The following DZIP3 variants were observed in gnomAD, a reference collection of about 807,000 sequenced individuals.
The protein encoded by DZIP3 is DAZ interacting zinc finger protein 3, also known as E3 ubiquitin-protein ligase DZIP3.
A neutral mutation model predicts 162.0 loss-of-function variants in DZIP3; 118 were observed. That is an observed-to-expected ratio of 0.73 (90% confidence interval 0.63 to 0.85). DZIP3 has a LOEUF of 0.85. Among genes scored for constraint, DZIP3 ranks in the 40% least tolerant of loss-of-function variants. DZIP3 has a pLI of 0.00. For missense variants in DZIP3, 1,331 were observed against 1,407.0 expected (o/e 0.95, Z 0.86); for synonymous variants, 438 against 458.6 (o/e 0.96, Z 0.57).
intron 19 of DZIP3, among the ~76,000 whole-genome samples, chr3:108,660,428 T>C (rs1559766284): frequency 6.6e-6 from 1 of 152,184 alleles, no homozygotes. Context: ...GAAAACTGGC[T>C]AGCCATATGT....
Position 108,630,732 on chromosome 3 carries a change from A to G in DZIP3, c.696+1556A>G, listed in dbSNP as rs1000048790. Reference sequence around the variant, plus strand: ...TTTAAAATATTTTGCTTTCTTTATTATCTAACTTTTTTAGTGAATTTTTAT... The same window carrying G: ...TTTAAAATATTTTGCTTTCTTTATTGTCTAACTTTTTTAGTGAATTTTTAT... On this transcript the variant is annotated intron_variant, in intron 8 of 32. Coordinates refer to ENST00000361582, the MANE Select transcript of DZIP3 (RefSeq NM_014648.4). 2.4e-4 allele frequency among the ~76,000 whole-genome samples: 37 copies of G among 151,778 alleles called. 1 individual carries two copies. Among genetic ancestry groups the G allele is most frequent in the Admixed American group, 2.4e-3 (37 of 15,226 alleles).
intron 26 of DZIP3, 141 bp downstream of exon 26, chr3:108,677,739 AC>A: frequency 1.3e-6 from 1 of 761,852 alleles, no homozygotes; most frequent in African/African-American, 1.7e-5. Context: ...TGTAATTATG[AC>A]CATACCTTCG....
rs773649006 is a variant in DZIP3, at chr3:108,605,420, C to T, written c.14C>T (p.Pro5Leu). The change falls in exon 2 of 33, where the codon CCA (proline) becomes CTA (leucine). Residue 5 changes from proline to leucine, a missense_variant. Transcript: ENST00000361582. ...ACCTTGTGCAGCATGGATTCTCTACCAGATGAATTTTTTGTGAGGTAAGGC... is the reference window on the plus strand; with the variant it reads ...ACCTTGTGCAGCATGGATTCTCTACTAGATGAATTTTTTGTGAGGTAAGGC... MDSL[P>L]DEFFVRHPAV... 1 of 1,613,024 alleles carries T rather than the reference C, an allele frequency of 6.2e-7. No homozygotes were observed. Among genetic ancestry groups the T allele is most frequent in the Non-Finnish European group, 8.5e-7 (1 of 1,179,556 alleles).
At chr3:108,602,769 C>G (rs1042534456) in intron 1 of DZIP3, 1 of 152,174 alleles carries the variant, frequency 6.6e-6, no homozygotes, top group Admixed American at 6.5e-5. Context: ...TCGCCTTTCT[C>G]GCAACAGAGG....
At chr3:108,690,755 G>C in intron 31 of DZIP3, 32 bp from the exon 32 acceptor site, 1 of 1,598,668 alleles carries the variant, frequency 6.3e-7, no homozygotes, top group Non-Finnish European at 8.6e-7. Flanking sequence ...GGCTACATCT[G>C]AGAGACTGAC....
At chr3:108,644,067 G>A in intron 13 of DZIP3, 97 bp from the exon 14 acceptor site, 1 of 1,410,068 alleles carries the variant, frequency 7.1e-7, no homozygotes. Context: ...TTTTGGAATA[G>A]TTTTTATCCT....
intron 10 of DZIP3, 23 bp from the exon 11 acceptor site, chr3:108,636,593 T>C: frequency 6.9e-7 from 1 of 1,457,518 alleles, no homozygotes; most frequent in African/African-American, 1.5e-5. Context: ...TCTATTTTTA[T>C]TTTTTTCTAT....
At chr3:108,654,082 A>T in intron 18 of DZIP3, 63 bp from the exon 19 acceptor site, 1 of 1,541,884 alleles carries the variant, frequency 6.5e-7, no homozygotes, top group Non-Finnish European at 8.8e-7. Context: ...TTTGGAAGCA[A>T]TAGCTTAGAT....
chr3:108,590,917 GAAAA>G (rs1474421334), intron 1 of DZIP3, among the ~76,000 whole-genome samples: 1 of 151,976 alleles, frequency 6.6e-6, no homozygotes, highest in East Asian at 1.9e-4. Context: ...TAGACTCAGT[GAAAA>G]AAACAAAAAT....
chr3:108,674,328 T>C, intron 24 of DZIP3, 147 bp downstream of exon 24: 1 of 647,754 alleles, frequency 1.5e-6, no homozygotes, highest in South Asian at 2.4e-5. Context: ...TTTTTTTTCA[T>C]TTTTTTCCCC....
At chr3:108,648,395 G>A (rs1018850989) in intron 16 of DZIP3, 2 of 239,312 alleles carry the variant, frequency 8.4e-6, no homozygotes, top group Non-Finnish European at 1.6e-5. Context: ...AGTGGATGTG[G>A]GAAGGTATTA....
chr3:108,681,758 G>T (rs1434138363), intron 26 of DZIP3, among the ~76,000 whole-genome samples: 1 of 151,270 alleles, frequency 6.6e-6, no homozygotes, highest in Non-Finnish European at 1.5e-5. Flanking sequence ...CCATAAAAAA[G>T]GATGTGTTCA....
intron 1 of DZIP3, among the ~76,000 whole-genome samples, chr3:108,595,706 T>C (rs1939677332): frequency 6.6e-6 from 1 of 152,348 alleles, no homozygotes; most frequent in East Asian, 1.9e-4. Context: ...ATCCTGAATA[T>C]ATAATCTCTA....
At chr3:108,674,207 A>T (rs1944019976) in intron 24 of DZIP3, 26 bp downstream of exon 24, 1 of 1,583,758 alleles carries the variant, frequency 6.3e-7, no homozygotes, top group South Asian at 1.1e-5. Context: ...TCCTTAATGC[A>T]TCTTAATTTT....
intron 8 of DZIP3, among the ~76,000 whole-genome samples, chr3:108,631,055 A>ACACACACACTCTCTCTCTCTCTCT: frequency 2.8e-4 from 5 of 18,016 alleles, no homozygotes; most frequent in Non-Finnish European, 3.6e-4. Context: ...ACACACACAC[A>ACACACACACTCTCTCTCTCTCTCT]CTCTCTCTCT....
chr3:108,605,041 T>C (rs1940258081), intron 1 of DZIP3, among the ~76,000 whole-genome samples: 1 of 152,224 alleles, frequency 6.6e-6, no homozygotes, highest in African/African-American at 2.4e-5. Context: ...GAATGTTTAC[T>C]AGGAGGATAA....
Position 108,634,875 on chromosome 3 carries a change from T to A in DZIP3, c.821T>A (p.Phe274Tyr). ...CTTACTTTTATTTTTTTCCAGGGAT[T>A]TTTTCAGTTAATGTGCAGTAAAAGT... ...DILKNTSYKGFFQLMCSKSCC... is the reference protein window; with the variant it reads ...DILKNTSYKGYFQLMCSKSCC... Residue 274 changes from phenylalanine (F) to tyrosine (Y), a missense_variant, in exon 10 of 33, where the codon TTT becomes TAT. Physicochemically the swap from Phe to Tyr is conservative, Grantham distance 22. Coordinates refer to ENST00000361582, the MANE Select transcript of DZIP3 (RefSeq NM_014648.4). 2 of 1,600,282 alleles carry A rather than the reference T, an allele frequency of 1.2e-6. No individual in the cohort carries two copies. Among genetic ancestry groups the A allele is most frequent in the Non-Finnish European group, 1.7e-6 (2 of 1,172,792 alleles).
At chr3:108,653,507 G>GTGTGTGTATATATATA (rs1273159630) in intron 18 of DZIP3, among the ~76,000 whole-genome samples, 2 of 104,616 alleles carry the variant, frequency 1.9e-5, no homozygotes, top group African/African-American at 3.4e-5. Context: ...GTGTGTGTGT[G>GTGTGTGTATATATATA]TATATATATA....
Position 108,647,963 on chromosome 3 carries a change from C to G in DZIP3, c.1813C>G (p.Gln605Glu). ...TTTAGGTATTGAAATAGAAGAGTTA[C>G]AGAATGAGGAAGAAGAACTAAGTCC... ...GSQRIEIEEL[Q>E]NEEEELSPPL... The change falls in exon 16 of 33, where the codon CAG becomes GAG. Residue 605 changes from glutamine (Q) to glutamate (E), a missense_variant. Physicochemically the swap from Gln to Glu is conservative, Grantham distance 29 (BLOSUM62 2). Around this residue, in one of 2 missense-constraint regions of DZIP3, gnomAD observed 1,278 missense variants for 1,317.1 expected, o/e 0.97. Coordinates refer to ENST00000361582, the MANE Select transcript of DZIP3 (RefSeq NM_014648.4). 1 of 1,568,394 alleles carries G rather than the reference C, an allele frequency of 6.4e-7. No homozygotes were observed. The highest frequency in any genetic ancestry group is 8.6e-7 in the Non-Finnish European group (1 of 1,163,352).
Sources: allele counts gnomAD v4.1 joint callset (sites outside exome capture counted in the v4.1 genomes callset), GRCh38; gene constraint gnomAD v4.1.1; regional missense constraint gnomAD v4.1.1; transcripts MANE v1.5; gene names NCBI Gene and HGNC (gene_info 2026-07-23, HGNC 2026-07-21).